Variants in ITGB1BP1 observed in about 807,000 individuals in gnomAD.
The protein encoded by ITGB1BP1 is integrin beta-1-binding protein 1.
A neutral mutation model predicts 28.0 loss-of-function variants in ITGB1BP1; 20 were observed. That is an observed-to-expected ratio of 0.71 (90% CI 0.50 to 1.04). The LOEUF (loss-of-function observed/expected upper bound fraction) is 1.04, where lower values mean the gene tolerates loss of function less well. Among genes scored for constraint, ITGB1BP1 ranks in the 50% least tolerant of loss-of-function variants. The probability of loss-of-function intolerance (pLI) is 0.00; values close to 1 mark genes in which losing one functional copy is unlikely to be tolerated. For synonymous variants in ITGB1BP1, 103 were observed against 89.5 expected, an observed-to-expected ratio of 1.15 and a Z score of -0.85; for missense variants, 228 against 242.5, an observed-to-expected ratio of 0.94 and a Z score of 0.40.
chr2:9,407,897 T>TGGG (rs3841084), intron 5 of ITGB1BP1: 5 of 504,926 alleles, frequency 9.9e-6, no homozygotes, highest in African/African-American at 4.0e-5. Context: ...TGTTTGGGGG[T>TGGG]GGGGGGGGCA....
chr2:9,418,714 T>C lies in ITGB1BP1; in HGVS notation c.-17A>G, dbSNP rs757006502. On this transcript the variant is annotated 5_prime_UTR_variant, in exon 2 of 7. Transcript: ENST00000355346. The stretch of plus-strand genomic sequence containing the variant: ...GCGAAACATTTTTCACCACCATTGC[T>C]TGATCCAGAGAAGATCCCCTGAAAA... 6.2e-7 allele frequency: 1 copy of C among 1,613,806 alleles called. No homozygotes were observed. Among genetic ancestry groups the C allele is most frequent in the Non-Finnish European group, 8.5e-7 (1 of 1,179,688 alleles).
At chr2:9,407,900 G>GT in intron 5 of ITGB1BP1, 1 of 569,308 alleles carries the variant, frequency 1.8e-6, no homozygotes, top group Non-Finnish European at 3.1e-6. Flanking sequence ...TTGGGGGTGG[G>GT]GGGGGCAGGT....
chr2:9,406,060 C>CTTCCTCAGGCCTTCA lies in ITGB1BP1; in HGVS notation c.*773_*774insTGAAGGCCTGAGGAA, dbSNP rs1558414740. ...CACTGAGTGGACCTCTGTGACATCT[C>CTTCCTCAGGCCTTCA]GTCTTCCTCAGGCCTTCAGTGTGTG... On this transcript the variant is annotated 3_prime_UTR_variant, in exon 7 of 7. Transcript: ENST00000355346. 2.6e-5 allele frequency: 2 copies of CTTCCTCAGGCCTTCA among 75,606 alleles called. No homozygotes were observed. Among genetic ancestry groups the CTTCCTCAGGCCTTCA allele is most frequent in the East Asian group, 3.7e-4 (1 of 2,680 alleles). 4.7% of individuals were successfully genotyped at this position (75,606 alleles called of 1,614,324 possible). A position where few individuals can be genotyped will look rare whatever the true frequency, so the allele number is the denominator to read the frequency against.
chr2:9,419,609 A>C (rs1205460474), intron 1 of ITGB1BP1, among the ~76,000 whole-genome samples: 1 of 152,184 alleles, frequency 6.6e-6, no homozygotes, highest in Non-Finnish European at 1.5e-5. Context: ...TGAAATTAAT[A>C]ATAATAAATG....
chr2:9,419,589 TTTC>T (rs1679543918), intron 1 of ITGB1BP1, among the ~76,000 whole-genome samples: 1 of 152,206 alleles, frequency 6.6e-6, no homozygotes, highest in Admixed American at 6.5e-5. Flanking sequence ...GTGTTACATA[TTTC>T]TTTTTTTGAA....
intron 4 of ITGB1BP1, chr2:9,412,066 A>C: frequency 2.2e-6 from 1 of 454,442 alleles, no homozygotes; most frequent in Non-Finnish European, 3.8e-6. Context: ...AAAAAAAAGT[A>C]CCGTGTTTGA....
intron 1 of ITGB1BP1, chr2:9,422,534 G>C: frequency 3.0e-6 from 3 of 985,524 alleles, no homozygotes; most frequent in Non-Finnish European, 3.6e-6. Flanking sequence ...GCTGGGGTAA[G>C]GGACCCACAG....
At chr2:9,413,553 C>T (rs1417158121) in intron 3 of ITGB1BP1, among the ~76,000 whole-genome samples, 1 of 152,154 alleles carries the variant, frequency 6.6e-6, no homozygotes, top group African/African-American at 2.4e-5. Flanking sequence ...TAGTCTCAAA[C>T]TCCTGACCTC....
At chr2:9,421,371 A>G (rs1167246826) in intron 1 of ITGB1BP1, among the ~76,000 whole-genome samples, 14 of 152,150 alleles carry the variant, frequency 9.2e-5, no homozygotes. Flanking sequence ...TGCAATTTTG[A>G]TGCATGTTCT....
intron 6 of ITGB1BP1, 124 bp from the exon 7 acceptor site, chr2:9,407,029 C>T: frequency 1.4e-6 from 1 of 737,000 alleles, no homozygotes; most frequent in Non-Finnish European, 2.4e-6. Flanking sequence ...ACCACACATG[C>T]CTGCCTGGGT....
intron 5 of ITGB1BP1, 27 bp downstream of exon 5, chr2:9,408,086 G>C: frequency 1.6e-6 from 2 of 1,242,286 alleles, no homozygotes; most frequent in Non-Finnish European, 2.3e-6. Flanking sequence ...CTAAAACATA[G>C]TTTTCTTAAT....
Position 9,414,268 on chromosome 2 carries a change from A to C in ITGB1BP1, c.73-12T>G. 6.2e-7 allele frequency: 1 copy of C among 1,608,202 alleles called. No individual in the cohort carries two copies. Among genetic ancestry groups the C allele is most frequent in the Non-Finnish European group, 8.5e-7 (1 of 1,174,722 alleles). On this transcript the variant is annotated splice_polypyrimidine_tract_variant and intron_variant, in intron 2 of 6. Transcript: ENST00000355346. The stretch of plus-strand genomic sequence containing the variant: ...CTAGAATCCACAGACTGAGAAACAG[A>C]AAAACAAGTAAAAAACCTCCACTGA...
chr2:9,412,851 T>A (rs1284978803), intron 3 of ITGB1BP1: 1 of 153,360 alleles, frequency 6.5e-6, no homozygotes, highest in Middle Eastern at 3.1e-3. Context: ...AGTGCTGGAA[T>A]TACAGGCATG....
intron 2 of ITGB1BP1, among the ~76,000 whole-genome samples, chr2:9,417,438 G>A (rs778024888): frequency 6.8e-6 from 1 of 146,994 alleles, no homozygotes; most frequent in Non-Finnish European, 1.5e-5. Context: ...TTTTTTTTTT[G>A]AGACGGAATC....
chr2:9,423,243 C>T, intron 1 of ITGB1BP1, 130 bp downstream of exon 1: 2 of 1,140,856 alleles, frequency 1.8e-6, no homozygotes, highest in Non-Finnish European at 2.2e-6. Context: ...AGCCCGAGCC[C>T]AGGCATCCCT....
rs191247665 is a variant in ITGB1BP1 at position 9,415,489 on chromosome 2, G to A, written c.73-1233C>T. ...CCAGCTATTTGGCAGGCTGAGGCAG[G>A]AGAATCGCTTGAACCCACAGGCAGA... On this transcript the variant is annotated intron_variant, in intron 2 of 6. Transcript: ENST00000355346. The surrounding 1 kb of genome is among the most constrained non-coding windows in gnomAD (Gnocchi z 4.1). 1.3e-5 allele frequency among the ~76,000 whole-genome samples: 2 copies of A among 152,192 alleles called. No individual in the cohort carries two copies. Among genetic ancestry groups the A allele is most frequent in the Non-Finnish European group, 2.9e-5 (2 of 68,008 alleles).
Position 9,414,236 on chromosome 2 carries a change from C to T in ITGB1BP1, c.93G>A (p.Gly31=), listed in dbSNP as rs372357580. The change falls in exon 3 of 7, where the codon GGG becomes GGA. Residue 31 remains glycine, a synonymous_variant. Transcript: ENST00000355346. Reference sequence around the variant, plus strand: ...CCACAGTGCTGGATCGTGAAAGACCCCCAAGGCTAGAATCCACAGACTGAG... The same window carrying T: ...CCACAGTGCTGGATCGTGAAAGACCTCCAAGGCTAGAATCCACAGACTGAG... ...TKSKSVDSSL[G]GLSRSSTVAS... 1.2e-6 allele frequency: 2 copies of T among 1,613,980 alleles called. No individual in the cohort carries two copies. The highest frequency in any genetic ancestry group is 1.7e-6 in the Non-Finnish European group (2 of 1,179,906).
chr2:9,419,760 G>T (rs781113981), intron 1 of ITGB1BP1, among the ~76,000 whole-genome samples: 1 of 152,154 alleles, frequency 6.6e-6, no homozygotes, highest in African/African-American at 2.4e-5. Context: ...TGATAACCTT[G>T]TGACATATCC....
At chr2:9,409,228 G>A (rs905796178) in intron 4 of ITGB1BP1, among the ~76,000 whole-genome samples, 3 of 152,210 alleles carry the variant, frequency 2.0e-5, no homozygotes, top group Admixed American at 1.3e-4. Context: ...ACCTATGGAT[G>A]TTCTGTACTG....
Sources: allele counts gnomAD v4.1 joint callset (sites outside exome capture counted in the v4.1 genomes callset), GRCh38; gene constraint gnomAD v4.1.1; non-coding constraint Gnocchi (gnomAD v3.1); transcripts MANE v1.5; gene names NCBI Gene and HGNC (gene_info 2026-07-23, HGNC 2026-07-21).